The following RNF150 variants were observed in gnomAD, a reference collection of about 807,000 sequenced individuals.
The protein encoded by RNF150 is ring finger protein 150.
RNF150 carries 24 observed loss-of-function variants against 39.3 expected under a neutral mutation model. That is an observed-to-expected ratio of 0.61 (90% CI 0.44 to 0.86). The LOEUF (loss-of-function observed/expected upper bound fraction) is 0.86. Among genes scored for constraint, RNF150 ranks in the 40% least tolerant of loss-of-function variants. The probability of loss-of-function intolerance (pLI) is 0.00; values close to 1 mark genes in which losing one functional copy is unlikely to be tolerated. For synonymous variants in RNF150, 255 were observed against 227.3 expected (o/e 1.12, Z -1.10); for missense variants, 502 against 587.8 (o/e 0.85, Z 1.51).
chr4:141,137,999 G>A (rs868304877), upstream of RNF150, among the ~76,000 whole-genome samples: 1 of 152,110 alleles, frequency 6.6e-6, no homozygotes, highest in Non-Finnish European at 1.5e-5. Context: ...ATACGTTTCT[G>A]AGAAACAACA....
chr4:140,886,187 T>TCA (rs1169408417), intron 6 of RNF150, among the ~76,000 whole-genome samples: 3 of 40,050 alleles, frequency 7.5e-5, no homozygotes, highest in Non-Finnish European at 1.3e-4. Flanking sequence ...GGCGACTCCA[T>TCA]CACAAAAAAA....
At position 140,947,707 on chromosome 4, in the gene RNF150, T is replaced by G. The variant is rs754227516; in HGVS notation, c.837A>C (p.Ala279=). ...TGGGCTTGTACCCTTCAATACAAACTGCACAGTTGTCAAAATCAGACTCTG... is the reference window on the plus strand; with the variant it reads ...TGGGCTTGTACCCTTCAATACAAACGGCACAGTTGTCAAAATCAGACTCTG... ...KETESDFDNC[A]VCIEGYKPND... The change falls in exon 4 of 7, where the codon GCA becomes GCC. Residue 279 remains alanine, a synonymous_variant. Transcript: ENST00000515673. 2.5e-6 allele frequency: 4 copies of G among 1,600,666 alleles called. No individual in the cohort carries two copies. The highest frequency in any genetic ancestry group is 2.6e-6 in the Non-Finnish European group (3 of 1,175,110).
chr4:141,161,072 G>C (rs1727504424), intron 1 of RNF150, among the ~76,000 whole-genome samples: 2 of 152,152 alleles, frequency 1.3e-5, no homozygotes, highest in Admixed American at 1.3e-4. Context: ...ATGATAGGAA[G>C]GTGAGGGAAA....
intron 1 of RNF150, among the ~76,000 whole-genome samples, chr4:141,014,463 T>C (rs60293572): frequency 0.14 from 21,217 of 152,286 alleles, 1,805 homozygotes; most frequent in Middle Eastern, 0.24. Flanking sequence ...CCACCAATAA[T>C]GTATAAAAGT....
intron 1 of RNF150, among the ~76,000 whole-genome samples, chr4:141,091,462 A>C (rs1738578375): frequency 6.6e-6 from 1 of 152,188 alleles, no homozygotes; most frequent in African/African-American, 2.4e-5. Flanking sequence ...CTGAGGTCCA[A>C]GGGCAGGATG....
chr4:140,982,515 C>CTTTT (rs35925074), intron 1 of RNF150, among the ~76,000 whole-genome samples: 120 of 132,898 alleles, frequency 9.0e-4, no homozygotes, highest in Admixed American at 1.3e-3. Flanking sequence ...GTAGCACAGA[C>CTTTT]TTTTTTTTTT....
At chr4:141,164,792 G>A (rs1727571976) in intron 1 of RNF150, among the ~76,000 whole-genome samples, 1 of 152,192 alleles carries the variant, frequency 6.6e-6, no homozygotes, top group Non-Finnish European at 1.5e-5. Flanking sequence ...CCTTATGAGA[G>A]CTCCTGAAGG....
At chr4:141,004,476 C>T (rs753321150) in intron 1 of RNF150, among the ~76,000 whole-genome samples, 20 of 152,100 alleles carry the variant, frequency 1.3e-4, no homozygotes, top group Non-Finnish European at 2.6e-4. Context: ...TATAACCTCT[C>T]GAACTCTAAA....
In RNF150 at chr4:141,114,767, C is replaced by G. The variant is rs550274469; in HGVS notation, c.484+17558G>C. Among the ~76,000 whole-genome samples the G allele has an allele frequency of 7.9e-5, 12 of 152,238 alleles. 1 individual carries two copies. The South Asian group carries it at 2.5e-3, about 32-fold the overall frequency. ...CAATAAAATACTAGCAAACCAAATC[C>G]AGCAGGACATCAAAAAGCTTACACA... is the stretch of plus-strand genomic sequence containing the variant. On this transcript the variant is annotated intron_variant, in intron 1 of 6. Transcript: ENST00000515673.
At chr4:140,952,536 A>G (rs367844917) in intron 2 of RNF150, among the ~76,000 whole-genome samples, 2 of 152,308 alleles carry the variant, frequency 1.3e-5, no homozygotes, top group East Asian at 1.9e-4. Context: ...AGTCTCTTCT[A>G]GAGAAAAAAC....
intron 6 of RNF150, among the ~76,000 whole-genome samples, chr4:140,880,669 G>GTTTT (rs1553987750): frequency 1.7e-4 from 26 of 151,286 alleles, no homozygotes; most frequent in East Asian, 7.8e-4. Flanking sequence ...TTGTTTGTTT[G>GTTTT]TTTTAAACAA....
chr4:141,164,091 A>C (rs1312771549), intron 1 of RNF150, among the ~76,000 whole-genome samples: 14 of 152,014 alleles, frequency 9.2e-5, no homozygotes, highest in Admixed American at 9.2e-4. Context: ...TAGAATAACC[A>C]GTTTAGAGAA....
At chr4:141,116,805 C>T (rs1326123406) in intron 1 of RNF150, among the ~76,000 whole-genome samples, 1 of 152,136 alleles carries the variant, frequency 6.6e-6, no homozygotes, top group East Asian at 1.9e-4. Context: ...AAATAGTATG[C>T]AGCCATTAAA....
At chr4:141,164,795 C>G (rs142740093) in intron 1 of RNF150, among the ~76,000 whole-genome samples, 2,870 of 152,252 alleles carry the variant, frequency 0.019, 36 homozygotes, top group Non-Finnish European at 0.029. Flanking sequence ...TATGAGAGCT[C>G]CTGAAGGAAG....
intron 1 of RNF150, among the ~76,000 whole-genome samples, chr4:141,178,707 G>A (rs984266001): frequency 6.6e-6 from 1 of 152,058 alleles, no homozygotes; most frequent in Non-Finnish European, 1.5e-5. Flanking sequence ...CAAGGGCCAG[G>A]GCAGGTGGGA....
intron 1 of RNF150, among the ~76,000 whole-genome samples, chr4:141,011,524 C>A (rs1025807624): frequency 3.3e-5 from 5 of 152,210 alleles, no homozygotes; most frequent in African/African-American, 9.6e-5. Flanking sequence ...CCTGTCCAGA[C>A]AACATGTCTA....
At chr4:140,984,608 T>A (rs570694365) in intron 1 of RNF150, among the ~76,000 whole-genome samples, 1 of 152,294 alleles carries the variant, frequency 6.6e-6, no homozygotes, top group South Asian at 2.1e-4. Flanking sequence ...ATGCTGTCCA[T>A]TACACTCCCC....
At chr4:141,186,837 T>C (rs1253160031) in intron 1 of RNF150, among the ~76,000 whole-genome samples, 1 of 152,236 alleles carries the variant, frequency 6.6e-6, no homozygotes. Flanking sequence ...GAAGGGTTTT[T>C]CATGTCTCTA....
At chr4:140,935,904 C>T (rs184950443) in intron 4 of RNF150, among the ~76,000 whole-genome samples, 174 of 152,264 alleles carry the variant, frequency 1.1e-3, no homozygotes, top group African/African-American at 3.8e-3. Context: ...ATACACCATC[C>T]TATCACCCCA....
Sources: allele counts gnomAD v4.1 joint callset (sites outside exome capture counted in the v4.1 genomes callset), GRCh38; gene constraint gnomAD v4.1.1; transcripts MANE v1.5; gene names NCBI Gene and HGNC (gene_info 2026-07-23, HGNC 2026-07-21).